The following IL1RAPL2 variants were observed in gnomAD, a reference collection of about 807,000 sequenced individuals.
IL1RAPL2 encodes the protein interleukin 1 receptor accessory protein like 2.
Under a neutral mutation model 44.1 loss-of-function variants are expected in IL1RAPL2, and 3 were observed. That is an observed-to-expected ratio of 0.07 (90% CI 0.03 to 0.18). The LOEUF (loss-of-function observed/expected upper bound fraction) is 0.18. Among genes scored for constraint, IL1RAPL2 ranks in the 10% least tolerant of loss-of-function variants. The pLI, the probability that IL1RAPL2 is intolerant of heterozygous loss-of-function variation, is 1.00. For synonymous variants in IL1RAPL2, 181 were observed against 178.8 expected (o/e 1.01, Z -0.10); for missense variants, 391 against 496.4 (o/e 0.79, Z 2.02).
intron 6 of IL1RAPL2, among the ~76,000 whole-genome samples, chrX:105,537,980 A>C (rs904193336): frequency 9.3e-6 from 1 of 107,402 alleles, no homozygotes; most frequent in East Asian, 2.9e-4. Flanking sequence ...CTCTTCAAAA[A>C]TTGTGCCTCT....
At chrX:104,942,494 C>G (rs1270967739) in intron 2 of IL1RAPL2, among the ~76,000 whole-genome samples, 2 of 110,712 alleles carry the variant, frequency 1.8e-5, no homozygotes, top group Admixed American at 9.7e-5. Flanking sequence ...TGATTTGGCT[C>G]TCTGTCTGTT....
At chrX:105,329,158 A>T (rs2034966047) in intron 5 of IL1RAPL2, among the ~76,000 whole-genome samples, 2 of 112,392 alleles carry the variant, frequency 1.8e-5, no homozygotes, top group South Asian at 3.7e-4. Context: ...GAACTGATAC[A>T]TTGTTGAGAT....
chrX:105,392,943 T>G (rs1204634387), intron 5 of IL1RAPL2, among the ~76,000 whole-genome samples: 1 of 112,553 alleles, frequency 8.9e-6, no homozygotes, highest in Non-Finnish European at 1.9e-5. Flanking sequence ...GCATCCATTT[T>G]AAAATTGGGA....
intron 6 of IL1RAPL2, among the ~76,000 whole-genome samples, chrX:105,511,698 A>G (rs1182033967): frequency 9.0e-6 from 1 of 111,489 alleles, no homozygotes; most frequent in Non-Finnish European, 1.9e-5. Context: ...AAAAACAAAT[A>G]TTTCTACTTT....
chrX:104,654,943 TG>T (rs1268372563), intron 1 of IL1RAPL2, among the ~76,000 whole-genome samples: 1 of 111,401 alleles, frequency 9.0e-6, no homozygotes, highest in African/African-American at 3.3e-5. Flanking sequence ...CAATTTTGAA[TG>T]GGAGTCCACT....
chrX:104,939,900 A>G (rs1036300799), intron 2 of IL1RAPL2, among the ~76,000 whole-genome samples: 26 of 111,803 alleles, frequency 2.3e-4, no homozygotes, highest in African/African-American at 6.5e-4. Flanking sequence ...ACAAACCTAT[A>G]GAGAAAGGAA....
Position 105,677,842 on chromosome X carries a change from A to C in IL1RAPL2, c.773-39525A>C, listed in dbSNP as rs955464894. On this transcript the variant is annotated intron_variant, in intron 6 of 10. Transcript: ENST00000372582. ...TATCCTCTAAAAAAAGATTAAATGG[A>C]AGTTAAATAATGTTCTGATGGAGAT... Among the ~76,000 whole-genome samples the C allele has an allele frequency of 1.1e-3, 119 of 111,962 alleles. 1 individual carries two copies. The highest frequency in any genetic ancestry group is 3.8e-3 in the African/African-American group (118 of 30,824).
intron 7 of IL1RAPL2, among the ~76,000 whole-genome samples, chrX:105,722,281 T>A (rs759247945): frequency 5.4e-5 from 6 of 111,970 alleles, no homozygotes; most frequent in Non-Finnish European, 9.4e-5. Flanking sequence ...TACCTTTGTA[T>A]ATGCAATATA....
intron 2 of IL1RAPL2, among the ~76,000 whole-genome samples, chrX:104,975,153 T>C (rs1236551243): frequency 9.0e-6 from 1 of 111,553 alleles, no homozygotes; most frequent in African/African-American, 3.3e-5. Context: ...TTGCTGCTTT[T>C]TGTAGCTCCT....
intron 2 of IL1RAPL2, among the ~76,000 whole-genome samples, chrX:104,934,124 A>T (rs1172767035): frequency 8.9e-6 from 1 of 111,891 alleles, no homozygotes; most frequent in African/African-American, 3.2e-5. Flanking sequence ...GGTGTTCACA[A>T]TCTTTTGTTA....
At chrX:105,223,800 C>T (rs1161685999) in intron 3 of IL1RAPL2, among the ~76,000 whole-genome samples, 2 of 111,069 alleles carry the variant, frequency 1.8e-5, no homozygotes, top group African/African-American at 6.6e-5. Context: ...GGTGTTGGAG[C>T]GGAAAATGAT....
chrX:105,287,891 G>C (rs1203310341), intron 5 of IL1RAPL2, among the ~76,000 whole-genome samples: 1 of 111,238 alleles, frequency 9.0e-6, no homozygotes, highest in Non-Finnish European at 1.9e-5. Flanking sequence ...AGAAATTCAG[G>C]AATTTCTAAA....
intron 1 of IL1RAPL2, among the ~76,000 whole-genome samples, chrX:104,619,048 A>G (rs1431882673): frequency 8.9e-6 from 1 of 111,975 alleles, no homozygotes; most frequent in African/African-American, 3.2e-5. Context: ...CTGCAGCTGT[A>G]GCAGCTCTCC....
chrX:104,837,312 C>G (rs764124521), intron 2 of IL1RAPL2, among the ~76,000 whole-genome samples: 1 of 111,605 alleles, frequency 9.0e-6, no homozygotes, highest in Non-Finnish European at 1.9e-5. Flanking sequence ...ACACTGTCTT[C>G]CACAATGGTT....
intron 2 of IL1RAPL2, among the ~76,000 whole-genome samples, chrX:104,760,144 A>T (rs1456071441): frequency 3.6e-5 from 4 of 111,850 alleles, no homozygotes; most frequent in Admixed American, 9.5e-5. Context: ...TTTATATTCC[A>T]TTGTGTATAT....
chrX:105,242,519 A>G (rs1216569010), intron 4 of IL1RAPL2, among the ~76,000 whole-genome samples: 4 of 111,767 alleles, frequency 3.6e-5, no homozygotes, highest in Non-Finnish European at 5.6e-5. Context: ...CAGTCTATCA[A>G]TCTTCCAATT....
intron 2 of IL1RAPL2, among the ~76,000 whole-genome samples, chrX:104,833,333 G>C (rs747006621): frequency 4.1e-4 from 46 of 111,019 alleles, no homozygotes; most frequent in Middle Eastern, 9.2e-3. Context: ...GTAGAAACGG[G>C]GTCTTACTAT....
intron 2 of IL1RAPL2, among the ~76,000 whole-genome samples, chrX:104,831,079 A>G (rs1277501254): frequency 3.6e-5 from 4 of 111,876 alleles, no homozygotes; most frequent in African/African-American, 9.7e-5. Context: ...TGACTATCAC[A>G]GGAAAGTTAT....
intron 6 of IL1RAPL2, among the ~76,000 whole-genome samples, chrX:105,565,673 C>G (rs988266425): frequency 8.9e-6 from 1 of 112,159 alleles, no homozygotes; most frequent in South Asian, 3.7e-4. Context: ...CACACCGCAC[C>G]TCCATCTTTA....
Sources: gnomAD v4.1 joint callset for allele counts (sites outside exome capture counted in the v4.1 genomes callset) on GRCh38, gnomAD v4.1.1 for gene constraint, MANE v1.5 for transcripts, NCBI Gene and HGNC (gene_info 2026-07-23, HGNC 2026-07-21) for gene names.